Variants in KCNQ5 observed in about 807,000 individuals in gnomAD.
KCNQ5 encodes the protein potassium voltage-gated channel subfamily Q member 5.
A neutral mutation model predicts 98.2 loss-of-function variants in KCNQ5; 30 were observed. That is an observed-to-expected ratio of 0.31 (90% CI 0.23 to 0.41). The LOEUF (loss-of-function observed/expected upper bound fraction) is 0.41, where lower values mean the gene tolerates loss of function less well. Ranked by LOEUF, KCNQ5 falls within the 10% of genes least tolerant of loss-of-function variation. KCNQ5 has a pLI of 1.00. For missense variants in KCNQ5, 835 were observed against 1,182.5 expected, an observed-to-expected ratio of 0.71 and a Z score of 4.31; for synonymous variants, 458 against 449.4, an observed-to-expected ratio of 1.02 and a Z score of -0.24.
At chr6:72,686,436 T>C (rs1434017285) in intron 1 of KCNQ5, among the ~76,000 whole-genome samples, 3 of 152,234 alleles carry the variant, frequency 2.0e-5, no homozygotes, top group Non-Finnish European at 4.4e-5. Flanking sequence ...TTTAGCACTT[T>C]AGCACTATTA....
intron 1 of KCNQ5, among the ~76,000 whole-genome samples, chr6:72,809,618 C>G (rs1431986073): frequency 2.6e-5 from 4 of 152,110 alleles, no homozygotes; most frequent in Non-Finnish European, 4.4e-5. Flanking sequence ...ACCTTGCACA[C>G]AGAACACATG....
intron 1 of KCNQ5, among the ~76,000 whole-genome samples, chr6:72,910,991 G>C (rs1345228399): frequency 6.6e-6 from 1 of 152,162 alleles, no homozygotes; most frequent in Non-Finnish European, 1.5e-5. Context: ...CTGTGCCTAT[G>C]ACTCCAGATG....
chr6:73,004,705 T>C (rs531014916), intron 2 of KCNQ5, among the ~76,000 whole-genome samples: 1 of 152,326 alleles, frequency 6.6e-6, no homozygotes, highest in African/African-American at 2.4e-5. Flanking sequence ...TCACATCTGA[T>C]TGAAAGTTTG....
At chr6:73,134,974 G>T (rs1219504292) in intron 10 of KCNQ5, 1 of 152,194 alleles carries the variant, frequency 6.6e-6, no homozygotes, top group Non-Finnish European at 1.5e-5. Context: ...CCAGTGACAG[G>T]GCTTTATGTT....
chr6:72,791,033 C>T (rs1322231247), intron 1 of KCNQ5, among the ~76,000 whole-genome samples: 1 of 152,126 alleles, frequency 6.6e-6, no homozygotes, highest in East Asian at 1.9e-4. Context: ...ACAAGATCAT[C>T]GCATCTTTGT....
chr6:72,713,212 AG>A (rs1303697363), intron 1 of KCNQ5, among the ~76,000 whole-genome samples: 1 of 152,160 alleles, frequency 6.6e-6, no homozygotes, highest in Non-Finnish European at 1.5e-5. Context: ...TTTAAGCCCC[AG>A]CCCCATTTCG....
intron 1 of KCNQ5, among the ~76,000 whole-genome samples, chr6:72,684,507 C>G (rs186283849): frequency 6.6e-6 from 1 of 152,302 alleles, no homozygotes; most frequent in African/African-American, 2.4e-5. Context: ...CCTCTGCCAC[C>G]TGGGCATTAG....
chr6:72,700,113 A>G (rs1768718307), intron 1 of KCNQ5, among the ~76,000 whole-genome samples: 1 of 152,196 alleles, frequency 6.6e-6, no homozygotes, highest in Non-Finnish European at 1.5e-5. Flanking sequence ...CAAAAAAGTT[A>G]TATGTTTTGT....
At chr6:73,048,941 G>A (rs1772091509) in intron 3 of KCNQ5, among the ~76,000 whole-genome samples, 1 of 152,152 alleles carries the variant, frequency 6.6e-6, no homozygotes, top group African/African-American at 2.4e-5. Context: ...TTTCATTAAA[G>A]ATTGTTTATT....
Position 73,194,744 on chromosome 6 carries a change from A to C in KCNQ5, c.2129A>C (p.His710Pro). 1 of 1,614,274 alleles carries C rather than the reference A, an allele frequency of 6.2e-7. No homozygotes were observed. The highest frequency in any genetic ancestry group is 8.5e-7 in the Non-Finnish European group (1 of 1,180,044). Residue 710 changes from histidine to proline, a missense_variant, in exon 14 of 14, where the codon CAC becomes CCC. Physicochemically the swap from His to Pro is moderately conservative, Grantham distance 77. Coordinates refer to ENST00000370398, the MANE Select transcript of KCNQ5 (RefSeq NM_019842.4). ...TTCTACGCGCTTAGCCCTACTATGC[A>C]CAGTCAAGCAACACAGGTGCCAATT... is the stretch of plus-strand genomic sequence containing the variant. ...QTFYALSPTM[H>P]SQATQVPISQ... is the part of the protein sequence containing the mutation.
At chr6:72,679,119 T>G (rs925004609) in intron 1 of KCNQ5, among the ~76,000 whole-genome samples, 1 of 152,210 alleles carries the variant, frequency 6.6e-6, no homozygotes, top group Non-Finnish European at 1.5e-5. Flanking sequence ...TGGGAAATGA[T>G]GATGATGACA....
intron 5 of KCNQ5, among the ~76,000 whole-genome samples, chr6:73,078,908 G>A (rs117722302): frequency 5.3e-5 from 8 of 152,302 alleles, no homozygotes; most frequent in South Asian, 2.1e-4. Context: ...GAGCTATGCC[G>A]TAATAAGAAT....
At chr6:72,684,711 G>A (rs1398189442) in intron 1 of KCNQ5, among the ~76,000 whole-genome samples, 2 of 152,166 alleles carry the variant, frequency 1.3e-5, no homozygotes, top group Non-Finnish European at 2.9e-5. Flanking sequence ...GAAAGTTTTA[G>A]TTCACTAGTT....
chr6:72,639,120 A>G lies in KCNQ5; in HGVS notation c.398+16533A>G, dbSNP rs561072807. Among the ~76,000 whole-genome samples the G allele has an allele frequency of 7.2e-5, 11 of 152,322 alleles. 1 individual carries two copies. The highest frequency in any genetic ancestry group is 7.2e-4 in the Admixed American group (11 of 15,306). On this transcript the variant is annotated intron_variant, in intron 1 of 13. Coordinates refer to ENST00000370398, the MANE Select transcript of KCNQ5 (RefSeq NM_019842.4). ...AGTTACCAATGTAGAGTGATGGAGA[A>G]GAAATAAGGTCCTTGGAGAAGAGTG...
intron 1 of KCNQ5, among the ~76,000 whole-genome samples, chr6:72,685,964 T>C (rs1053451035): frequency 6.6e-6 from 1 of 152,194 alleles, no homozygotes; most frequent in African/African-American, 2.4e-5. Context: ...AGCTTGCAGA[T>C]AGTTGCCACC....
At chr6:72,709,845 G>A (rs538119529) in intron 1 of KCNQ5, among the ~76,000 whole-genome samples, 4 of 152,070 alleles carry the variant, frequency 2.6e-5, no homozygotes, top group South Asian at 4.1e-4. Context: ...CGCTCCCTGT[G>A]TTATGAATCT....
intron 1 of KCNQ5, among the ~76,000 whole-genome samples, chr6:72,703,136 A>G (rs372285266): frequency 6.6e-6 from 1 of 152,322 alleles, no homozygotes; most frequent in South Asian, 2.1e-4. Flanking sequence ...AGAGCAGACT[A>G]TACTCCTTGT....
chr6:72,755,897 G>A (rs759533102), intron 1 of KCNQ5, among the ~76,000 whole-genome samples: 1 of 151,924 alleles, frequency 6.6e-6, no homozygotes, highest in Non-Finnish European at 1.5e-5. Flanking sequence ...AGGTCTGCTG[G>A]CTTCATGCCT....
chr6:72,719,970 G>T (rs752722423), intron 1 of KCNQ5, among the ~76,000 whole-genome samples: 4 of 152,110 alleles, frequency 2.6e-5, no homozygotes, highest in Non-Finnish European at 5.9e-5. Flanking sequence ...TCCTTTCTAT[G>T]CCTGATATGT....
Sources: gnomAD v4.1 joint callset for allele counts (sites outside exome capture counted in the v4.1 genomes callset) on GRCh38, gnomAD v4.1.1 for gene constraint, MANE v1.5 for transcripts, NCBI Gene and HGNC (gene_info 2026-07-23, HGNC 2026-07-21) for gene names.